Variants in LDB2 observed in about 807,000 individuals in gnomAD.
LDB2 encodes the protein LIM domain-binding protein 2.
In LDB2, 12 loss-of-function variants were observed where a neutral mutation model predicts 44.3. The observed-to-expected ratio is 0.27, with a 90% CI of 0.17 to 0.44. The LOEUF (loss-of-function observed/expected upper bound fraction) is 0.44, where lower values mean the gene tolerates loss of function less well. Ranked by LOEUF, LDB2 falls within the 20% of genes least tolerant of loss-of-function variation. LDB2 has a pLI of 1.00. For missense variants in LDB2, 344 were observed against 473.5 expected, an observed-to-expected ratio of 0.73 and a Z score of 2.54; for synonymous variants, 164 against 174.8, an observed-to-expected ratio of 0.94 and a Z score of 0.49.
At chr4:16,595,929 C>T in intron 2 of LDB2, 54 bp from the exon 3 acceptor site, 1 of 1,548,510 alleles carries the variant, frequency 6.5e-7, no homozygotes. Flanking sequence ...CCACCAGCCC[C>T]ACACACCCAA....
At chr4:16,758,475 C>A (rs1159048616) in intron 2 of LDB2, among the ~76,000 whole-genome samples, 1 of 152,192 alleles carries the variant, frequency 6.6e-6, no homozygotes, top group African/African-American at 2.4e-5. Flanking sequence ...TGTGCTGATG[C>A]ATCTATGCCT....
intron 5 of LDB2, among the ~76,000 whole-genome samples, chr4:16,548,637 A>G (rs1736604355): frequency 6.6e-6 from 1 of 152,226 alleles, no homozygotes; most frequent in African/African-American, 2.4e-5. Flanking sequence ...CCATTTGTTT[A>G]CCAGTTTCTG....
chr4:16,778,506 C>T (rs1487279558), intron 1 of LDB2, among the ~76,000 whole-genome samples: 1 of 152,156 alleles, frequency 6.6e-6, no homozygotes, highest in Non-Finnish European at 1.5e-5. Flanking sequence ...CAACCACCAT[C>T]AAGAGTGTTT....
chr4:16,821,687 C>T (rs1782059970), intron 1 of LDB2, among the ~76,000 whole-genome samples: 1 of 132,544 alleles, frequency 7.5e-6, no homozygotes, highest in South Asian at 2.4e-4. Flanking sequence ...CCGCGCCCGG[C>T]CGGAATATTT....
chr4:16,580,011 G>C (rs1713702282), intron 5 of LDB2, among the ~76,000 whole-genome samples: 1 of 152,186 alleles, frequency 6.6e-6, no homozygotes, highest in Non-Finnish European at 1.5e-5. Context: ...TATTCTCACA[G>C]GAGTTGATAG....
intron 5 of LDB2, among the ~76,000 whole-genome samples, chr4:16,555,456 C>T (rs1739228936): frequency 6.6e-6 from 1 of 152,176 alleles, no homozygotes; most frequent in Non-Finnish European, 1.5e-5. Flanking sequence ...CATACATACA[C>T]ATACACACAC....
At position 16,836,111 on chromosome 4, in the gene LDB2, C is replaced by G. The variant is rs575293516; in HGVS notation, c.132+62243G>C. ...CCATTACTTCACTGTAAGATTCAATCAATAGAAAAGAACATTCATTTTCCA... is the reference window on the plus strand; with the variant it reads ...CCATTACTTCACTGTAAGATTCAATGAATAGAAAAGAACATTCATTTTCCA... On this transcript the variant is annotated intron_variant, in intron 1 of 7. Coordinates refer to ENST00000304523, the MANE Select transcript of LDB2 (RefSeq NM_001290.5). Among the ~76,000 whole-genome samples the G allele has an allele frequency of 4.6e-5, 7 of 152,284 alleles. No homozygotes were observed. The South Asian group carries it at 1.2e-3, about 27-fold the overall frequency.
intron 1 of LDB2, among the ~76,000 whole-genome samples, chr4:16,860,317 C>T (rs1009784774): frequency 6.6e-6 from 1 of 152,158 alleles, no homozygotes; most frequent in Admixed American, 6.5e-5. Flanking sequence ...AATTCAGAAA[C>T]TTTGATCTTT....
intron 2 of LDB2, among the ~76,000 whole-genome samples, chr4:16,691,848 CTTCT>C (rs758913578): frequency 3.9e-5 from 6 of 152,084 alleles, no homozygotes; most frequent in Non-Finnish European, 7.4e-5. Flanking sequence ...GTTTTCATTC[CTTCT>C]GTTAAGGACT....
intron 5 of LDB2, among the ~76,000 whole-genome samples, chr4:16,561,842 A>C (rs1293574578): frequency 6.6e-6 from 1 of 152,196 alleles, no homozygotes; most frequent in Non-Finnish European, 1.5e-5. Flanking sequence ...CAGTAACCAA[A>C]ACAGCATGGT....
At chr4:16,653,982 G>A (rs539531625) in intron 2 of LDB2, among the ~76,000 whole-genome samples, 21 of 152,228 alleles carry the variant, frequency 1.4e-4, no homozygotes, top group African/African-American at 4.1e-4. Context: ...TGGAGAGCTC[G>A]GACAAGCTGT....
chr4:16,739,184 C>T (rs938954644), intron 2 of LDB2, among the ~76,000 whole-genome samples: 2 of 151,934 alleles, frequency 1.3e-5, no homozygotes, highest in South Asian at 2.1e-4. Flanking sequence ...TTCTGAAACT[C>T]CTTTTGATGA....
chr4:16,864,076 C>G (rs191709981), intron 1 of LDB2, among the ~76,000 whole-genome samples: 3 of 152,156 alleles, frequency 2.0e-5, no homozygotes, highest in Non-Finnish European at 2.9e-5. Flanking sequence ...CTCCCACCTA[C>G]CTGTACTCTA....
intron 2 of LDB2, among the ~76,000 whole-genome samples, chr4:16,624,367 G>A (rs1368709725): frequency 6.6e-6 from 1 of 151,966 alleles, no homozygotes; most frequent in Non-Finnish European, 1.5e-5. Context: ...AAAGTGCTAG[G>A]ATTACAGGCA....
At chr4:16,800,118 C>A (rs1225228933) in intron 1 of LDB2, among the ~76,000 whole-genome samples, 1 of 151,284 alleles carries the variant, frequency 6.6e-6, no homozygotes, top group Non-Finnish European at 1.5e-5. Flanking sequence ...TTTCCAGAAC[C>A]CTAGACACAT....
intron 2 of LDB2, among the ~76,000 whole-genome samples, chr4:16,736,971 GGAGT>G (rs1290862536): frequency 6.6e-6 from 1 of 152,090 alleles, no homozygotes; most frequent in Non-Finnish European, 1.5e-5. Flanking sequence ...ATTTATGCCT[GGAGT>G]TAGTTTTAAA....
At chr4:16,530,773 C>T (rs1044777565) in intron 5 of LDB2, among the ~76,000 whole-genome samples, 3 of 152,192 alleles carry the variant, frequency 2.0e-5, no homozygotes, top group African/African-American at 7.2e-5. Context: ...TGAGCCAACA[C>T]ACAGCCTCCT....
chr4:16,585,552 G>T (rs1413423124), intron 5 of LDB2, among the ~76,000 whole-genome samples: 1 of 152,112 alleles, frequency 6.6e-6, no homozygotes, highest in Non-Finnish European at 1.5e-5. Context: ...TTCTCCTAAG[G>T]GGTGACCAGT....
At chr4:16,832,452 C>T (rs894028993) in intron 1 of LDB2, among the ~76,000 whole-genome samples, 5 of 152,140 alleles carry the variant, frequency 3.3e-5, no homozygotes, top group African/African-American at 9.7e-5. Flanking sequence ...ATTTTGACTT[C>T]TTATGTTGAG....
Sources: allele counts gnomAD v4.1 joint callset (sites outside exome capture counted in the v4.1 genomes callset), GRCh38; gene constraint gnomAD v4.1.1; transcripts MANE v1.5; gene names NCBI Gene and HGNC (gene_info 2026-07-23, HGNC 2026-07-21).